Variants in NRXN1 observed in about 807,000 individuals in gnomAD.
NRXN1 encodes the protein neurexin-1.
Under a neutral mutation model 150.9 loss-of-function variants are expected in NRXN1, and 39 were observed. The ratio of observed to expected loss-of-function variants is 0.26; its 90% confidence interval spans 0.20 to 0.34. The LOEUF (loss-of-function observed/expected upper bound fraction) is 0.34, where lower values mean the gene tolerates loss of function less well. Among genes scored for constraint, NRXN1 ranks in the 10% least tolerant of loss-of-function variants. NRXN1 has a pLI of 1.00. For missense variants in NRXN1, 1,815 were observed against 1,949.9 expected, an observed-to-expected ratio of 0.93 and a Z score of 1.30; for synonymous variants, 924 against 757.0, an observed-to-expected ratio of 1.22 and a Z score of -3.62.
intron 17 of NRXN1, among the ~76,000 whole-genome samples, chr2:50,379,246 T>C (rs935002049): frequency 5.3e-5 from 8 of 152,132 alleles, no homozygotes; most frequent in African/African-American, 9.7e-5. Context: ...GTTTCACACA[T>C]TGAGTGACCC....
chr2:50,948,509 G>C (rs1363056090), intron 2 of NRXN1, among the ~76,000 whole-genome samples: 1 of 152,000 alleles, frequency 6.6e-6, no homozygotes, highest in African/African-American at 2.4e-5. Context: ...GTTAATATTT[G>C]CCAAAATCGT....
At chr2:50,693,728 T>G (rs1036364695) in intron 5 of NRXN1, among the ~76,000 whole-genome samples, 3 of 152,200 alleles carry the variant, frequency 2.0e-5, no homozygotes, top group Non-Finnish European at 2.9e-5. Context: ...AGTTGGTATA[T>G]TTTCAAAATT....
intron 18 of NRXN1, among the ~76,000 whole-genome samples, chr2:50,129,517 G>A (rs995805487): frequency 1.3e-5 from 2 of 152,086 alleles, no homozygotes; most frequent in African/African-American, 2.4e-5. Flanking sequence ...TCCAAAAAGG[G>A]AAGAGAATTA....
intron 19 of NRXN1, among the ~76,000 whole-genome samples, chr2:50,067,996 G>T (rs1695616994): frequency 6.6e-6 from 1 of 151,874 alleles, no homozygotes; most frequent in African/African-American, 2.4e-5. Flanking sequence ...ATTCAAATTG[G>T]TCCACGGAAA....
intron 5 of NRXN1, among the ~76,000 whole-genome samples, chr2:50,841,466 T>C (rs1672862514): frequency 6.6e-6 from 1 of 152,194 alleles, no homozygotes; most frequent in African/African-American, 2.4e-5. Flanking sequence ...CAAAGGCCAC[T>C]ATCAAAAAGT....
intron 17 of NRXN1, among the ~76,000 whole-genome samples, chr2:50,384,527 A>AT (rs2081195532): frequency 6.7e-6 from 1 of 149,424 alleles, no homozygotes. Flanking sequence ...AAAAAAAAAA[A>AT]AAAAAAAATG....
intron 18 of NRXN1, among the ~76,000 whole-genome samples, chr2:50,132,053 A>G (rs1705587808): frequency 6.6e-6 from 1 of 152,172 alleles, no homozygotes; most frequent in Non-Finnish European, 1.5e-5. Context: ...TTCTAAAACA[A>G]CTTCCAGGTG....
chr2:50,723,216 T>C (rs1696900531), intron 5 of NRXN1, among the ~76,000 whole-genome samples: 1 of 152,004 alleles, frequency 6.6e-6, no homozygotes, highest in Admixed American at 6.6e-5. Context: ...GAAAGAAGCA[T>C]AAAGAAAACA....
chr2:50,943,041 T>C (rs1054552836), intron 2 of NRXN1, among the ~76,000 whole-genome samples: 3 of 152,112 alleles, frequency 2.0e-5, no homozygotes, highest in East Asian at 3.9e-4. Context: ...CTTCTGGTGA[T>C]AGAATTCTTA....
At chr2:50,381,538 C>CACACACACACACACACAA (rs2080968307) in intron 17 of NRXN1, among the ~76,000 whole-genome samples, 1 of 148,026 alleles carries the variant, frequency 6.8e-6, no homozygotes, top group Non-Finnish European at 1.5e-5. Context: ...CACACACACA[C>CACACACACACACACACAA]ACACACACAC....
chr2:50,297,930 C>G (rs2073777469), intron 17 of NRXN1, among the ~76,000 whole-genome samples: 1 of 152,132 alleles, frequency 6.6e-6, no homozygotes, highest in Non-Finnish European at 1.5e-5. Flanking sequence ...AAAATCCGGG[C>G]ACTTGACATG....
chr2:50,539,936 G>A (rs781441159), intron 9 of NRXN1, among the ~76,000 whole-genome samples: 8 of 152,222 alleles, frequency 5.3e-5, no homozygotes, highest in East Asian at 1.9e-4. Context: ...CCAAAAGCCC[G>A]CCCCAAGTGA....
chr2:50,718,300 A>T (rs1483616366), intron 5 of NRXN1, among the ~76,000 whole-genome samples: 1 of 152,144 alleles, frequency 6.6e-6, no homozygotes, highest in African/African-American at 2.4e-5. Flanking sequence ...AGCACAAAAA[A>T]AATTTGGCTT....
chr2:50,564,753 A>G (rs1480313874), intron 8 of NRXN1, among the ~76,000 whole-genome samples: 1 of 152,144 alleles, frequency 6.6e-6, no homozygotes, highest in Non-Finnish European at 1.5e-5. Flanking sequence ...CAGGTTGAGA[A>G]CTGTTATTTT....
chr2:50,421,721 A>G (rs2084014756), intron 17 of NRXN1, among the ~76,000 whole-genome samples: 1 of 152,186 alleles, frequency 6.6e-6, no homozygotes, highest in Non-Finnish European at 1.5e-5. Context: ...AATTCAATGT[A>G]TTTTGTAGCT....
chr2:50,078,712 T>C (rs1450460253), intron 19 of NRXN1, among the ~76,000 whole-genome samples: 1 of 152,074 alleles, frequency 6.6e-6, no homozygotes, highest in African/African-American at 2.4e-5. Flanking sequence ...CGTAGTTAGA[T>C]GGAACTTATG....
intron 18 of NRXN1, among the ~76,000 whole-genome samples, chr2:50,179,345 T>A (rs760959950): frequency 1.3e-5 from 2 of 152,156 alleles, no homozygotes; most frequent in Non-Finnish European, 2.9e-5. Flanking sequence ...GTTGATCAGC[T>A]CTGTGCATAA....
At chr2:50,600,295 T>C (rs1676030655) in intron 8 of NRXN1, among the ~76,000 whole-genome samples, 1 of 151,752 alleles carries the variant, frequency 6.6e-6, no homozygotes, top group Non-Finnish European at 1.5e-5. Context: ...ATAGAAAAAT[T>C]TCTAGGTAAA....
At position 50,538,401 on chromosome 2, in the gene NRXN1, A is replaced by C. The variant is rs778419996; in HGVS notation, c.1995T>G (p.Thr665=). 20 of 1,613,914 alleles carry C rather than the reference A, an allele frequency of 1.2e-5. No homozygotes were observed. Among genetic ancestry groups the C allele is most frequent in the Non-Finnish European group, 3.4e-6 (4 of 1,179,894 alleles). Reference sequence around the variant, plus strand: ...TTGAGCAGGAAGGCTTCACTCCAGCAGTACTTTGAACTTCAGCCATTTGCC... The same window carrying C: ...TTGAGCAGGAAGGCTTCACTCCAGCCGTACTTTGAACTTCAGCCATTTGCC... ...DIRQMAEVQS[T]AGVKPSCSKE... The change falls in exon 10 of 23, where the codon ACT becomes ACG. Residue 665 remains threonine (T), a synonymous_variant. Coordinates refer to ENST00000401669, the MANE Select transcript of NRXN1 (RefSeq NM_001330078.2).
Sources: gnomAD v4.1 joint callset for allele counts (sites outside exome capture counted in the v4.1 genomes callset) on GRCh38, gnomAD v4.1.1 for gene constraint, MANE v1.5 for transcripts, NCBI Gene and HGNC (gene_info 2026-07-23, HGNC 2026-07-21) for gene names.